The following ARHGEF11 variants were observed in gnomAD, a reference collection of about 807,000 sequenced individuals.
ARHGEF11 encodes the protein Rho guanine exchange factor (GEF) 11.
In ARHGEF11, 55 loss-of-function variants were observed where a neutral mutation model predicts 193.7. The ratio of observed to expected loss-of-function variants is 0.28; its 90% CI spans 0.23 to 0.36. ARHGEF11 has a LOEUF of 0.36. Ranked by LOEUF, ARHGEF11 falls within the 10% of genes least tolerant of loss-of-function variation. The pLI, the probability that ARHGEF11 is intolerant of heterozygous loss-of-function variation, is 1.00. For missense variants in ARHGEF11, 1,723 were observed against 2,005.6 expected, an observed-to-expected ratio of 0.86 and a Z score of 2.69; for synonymous variants, 693 against 768.0, an observed-to-expected ratio of 0.90 and a Z score of 1.62.
chr1:157,010,125 G>A (rs1021213211), intron 1 of ARHGEF11, among the ~76,000 whole-genome samples: 2 of 152,130 alleles, frequency 1.3e-5, no homozygotes, highest in African/African-American at 2.4e-5. Context: ...CTTGAGCCTA[G>A]GAGTTTGAGA....
chr1:157,039,053 T>C (rs1367998161), intron 1 of ARHGEF11, among the ~76,000 whole-genome samples: 1 of 152,176 alleles, frequency 6.6e-6, no homozygotes, highest in Non-Finnish European at 1.5e-5. Flanking sequence ...TTCCAAATCC[T>C]ATTCCAATTC....
chr1:156,973,719 G>A (rs1390562603), intron 7 of ARHGEF11, among the ~76,000 whole-genome samples: 3 of 152,118 alleles, frequency 2.0e-5, no homozygotes, highest in Non-Finnish European at 4.4e-5. Flanking sequence ...GATCTACCCA[G>A]ACACACAAAC....
At chr1:157,007,632 T>C (rs182197156) in intron 1 of ARHGEF11, among the ~76,000 whole-genome samples, 1 of 152,272 alleles carries the variant, frequency 6.6e-6, no homozygotes, top group Non-Finnish European at 1.5e-5. Flanking sequence ...AAGGCTACCG[T>C]ACGATTTTTG....
In ARHGEF11 at chr1:156,948,315, C is replaced by G. The variant is rs551731125; in HGVS notation, c.2105+4G>C. ...ATGGGTGCAGCCGTTGTAGCCCTGC[C>G]CACCTGGTGGAGAGGCTGGAGGTAG... On this transcript the variant is annotated splice_donor_region_variant and intron_variant, in intron 23 of 40. Coordinates refer to ENST00000368194, the MANE Select transcript of ARHGEF11 (RefSeq NM_198236.3). The surrounding 1 kb of genome is among the most constrained non-coding windows in gnomAD (Gnocchi z 4.2). 2 of 1,613,678 alleles carry G rather than the reference C, an allele frequency of 1.2e-6. No homozygotes were observed. Among genetic ancestry groups the G allele is most frequent in the African/African-American group, 2.7e-5 (2 of 75,032 alleles).
chr1:156,983,140 T>C (rs1317747551), intron 3 of ARHGEF11, among the ~76,000 whole-genome samples: 1 of 152,204 alleles, frequency 6.6e-6, no homozygotes, highest in African/African-American at 2.4e-5. Context: ...TGCTACTTAC[T>C]GCACTGAAGT....
intron 14 of ARHGEF11, 60 bp from the exon 15 acceptor site, chr1:156,960,520 A>G: frequency 4.5e-6 from 7 of 1,561,422 alleles, no homozygotes; most frequent in Non-Finnish European, 6.2e-6. Context: ...GGAGATGAGC[A>G]GTGTGCAAGG....
intron 1 of ARHGEF11, among the ~76,000 whole-genome samples, chr1:157,015,353 G>A (rs368733441): frequency 1.3e-5 from 2 of 152,112 alleles, no homozygotes; most frequent in Non-Finnish European, 2.9e-5. Flanking sequence ...AAATGGGGAC[G>A]CTCACAGGCT....
chr1:157,007,183 A>G (rs1419776168), intron 1 of ARHGEF11, among the ~76,000 whole-genome samples: 6 of 152,190 alleles, frequency 3.9e-5, no homozygotes, highest in African/African-American at 1.4e-4. Context: ...TACAGACATG[A>G]GATGAAAAAA....
chr1:156,976,934 T>C, intron 7 of ARHGEF11, 49 bp downstream of exon 7: 2 of 1,518,788 alleles, frequency 1.3e-6, no homozygotes, highest in Non-Finnish European at 1.8e-6. Context: ...TCTGATAAAG[T>C]ATTATTTCAC....
chr1:156,938,313 A>G, intron 38 of ARHGEF11, 105 bp downstream of exon 38: 1 of 1,010,280 alleles, frequency 9.9e-7, no homozygotes, highest in Non-Finnish European at 1.5e-6. Flanking sequence ...CAGCTGAGGG[A>G]GCTTGTGGGT....
intron 21 of ARHGEF11, among the ~76,000 whole-genome samples, chr1:156,954,287 C>T (rs528352010): frequency 6.9e-5 from 10 of 144,160 alleles, no homozygotes; most frequent in South Asian, 6.8e-4. Flanking sequence ...GGCTGAGGCA[C>T]GAGAATCCCT....
chr1:157,008,406 G>GCACACA lies in ARHGEF11; in HGVS notation c.33-22239_33-22234dup, dbSNP rs60934928. On this transcript the variant is annotated intron_variant, in intron 1 of 40. Transcript: ENST00000368194. Reference sequence around the variant, plus strand: ...GAGACATCAGGAAGCTTGCACGCACGCACACACACACACACACACACACAC... The same window carrying GCACACA: ...GAGACATCAGGAAGCTTGCACGCACGCACACACACACACACACACACACACACACAC... Among the ~76,000 whole-genome samples the GCACACA allele has an allele frequency of 5.4e-3, 799 of 149,202 alleles. 7 individuals are homozygous for GCACACA. Among genetic ancestry groups the GCACACA allele is most frequent in the East Asian group, 0.04 (200 of 5,018 alleles).
At chr1:157,023,390 GC>G (rs1426078664) in intron 1 of ARHGEF11, among the ~76,000 whole-genome samples, 3 of 152,160 alleles carry the variant, frequency 2.0e-5, no homozygotes, top group African/African-American at 7.2e-5. Context: ...ATAAAAAGAT[GC>G]TCAACATCAT....
At chr1:156,979,062 C>T (rs369218576) in intron 5 of ARHGEF11, among the ~76,000 whole-genome samples, 167 bp downstream of exon 5, 1 of 152,194 alleles carries the variant, frequency 6.6e-6, no homozygotes, top group East Asian at 1.9e-4. Flanking sequence ...GGAATTGTGG[C>T]CACTTAAGTG....
At chr1:156,936,689 A>C in intron 40 of ARHGEF11, 127 bp downstream of exon 40, 4 of 1,105,146 alleles carry the variant, frequency 3.6e-6, no homozygotes, top group Non-Finnish European at 5.2e-6. Flanking sequence ...TGAGAGAATG[A>C]ACTCGTTTCA....
intron 1 of ARHGEF11, among the ~76,000 whole-genome samples, chr1:157,042,852 C>A (rs1672927131): frequency 6.6e-6 from 1 of 152,182 alleles, no homozygotes; most frequent in Non-Finnish European, 1.5e-5. Flanking sequence ...TTCTCAAACT[C>A]CAAGAGGATG....
At chr1:157,040,111 C>A (rs1672550085) in intron 1 of ARHGEF11, among the ~76,000 whole-genome samples, 1 of 152,174 alleles carries the variant, frequency 6.6e-6, no homozygotes, top group African/African-American at 2.4e-5. Flanking sequence ...TGAAGTTAAG[C>A]TTAGTCTGCT....
At chr1:156,983,347 G>A (rs190313899) in intron 3 of ARHGEF11, among the ~76,000 whole-genome samples, 3 of 152,112 alleles carry the variant, frequency 2.0e-5, no homozygotes, top group Admixed American at 6.5e-5. Context: ...TCAGCCTCCC[G>A]AGTAGCTGGG....
chr1:156,945,297 T>A, intron 29 of ARHGEF11, 100 bp from the exon 30 acceptor site: 1 of 1,395,040 alleles, frequency 7.2e-7, no homozygotes, highest in Non-Finnish European at 9.8e-7. Flanking sequence ...GCTGGCTTGC[T>A]TCAAACCAGC....
Sources: allele counts gnomAD v4.1 joint callset (sites outside exome capture counted in the v4.1 genomes callset), GRCh38; gene constraint gnomAD v4.1.1; non-coding constraint Gnocchi (gnomAD v3.1); transcripts MANE v1.5; gene names NCBI Gene and HGNC (gene_info 2026-07-23, HGNC 2026-07-21).